PRDM16: variants seen among roughly 807,000 people sequenced by gnomAD.
PRDM16 encodes histone-lysine N-methyltransferase PRDM16.
PRDM16 carries 23 observed loss-of-function variants against 110.6 expected under a neutral mutation model. The ratio of observed to expected loss-of-function variants is 0.21; its 90% CI spans 0.15 to 0.29. The LOEUF is 0.29. Among genes scored for constraint, PRDM16 ranks in the 10% least tolerant of loss-of-function variants. PRDM16 has a pLI of 1.00. For synonymous variants in PRDM16, 799 were observed against 781.8 expected (o/e 1.02, Z -0.37); for missense variants, 1,615 against 1,794.3 (o/e 0.90, Z 1.81).
chr1:3,412,958 C>T (rs540297925), intron 9 of PRDM16, among the ~76,000 whole-genome samples, 158 bp downstream of exon 9: 1 of 152,330 alleles, frequency 6.6e-6, no homozygotes, highest in Admixed American at 6.5e-5. Context: ...GGGGGGTCTG[C>T]ACCCCTCAGG....
intron 1 of PRDM16, among the ~76,000 whole-genome samples, chr1:3,113,309 G>A (rs372297788): frequency 1.0e-3 from 155 of 152,314 alleles, no homozygotes; most frequent in South Asian, 4.8e-3. Flanking sequence ...ACAGGGGCCC[G>A]GAGGAGACAG....
At chr1:3,114,706 AG>A (rs1642916290) in intron 1 of PRDM16, among the ~76,000 whole-genome samples, 1 of 152,244 alleles carries the variant, frequency 6.6e-6, no homozygotes, top group South Asian at 2.1e-4. Context: ...ACACACACAG[AG>A]GGAAGGCACC....
chr1:3,401,629 A>T (rs770692622), intron 5 of PRDM16, among the ~76,000 whole-genome samples: 8 of 151,428 alleles, frequency 5.3e-5, no homozygotes, highest in Non-Finnish European at 1.0e-4. Flanking sequence ...GCGTGTTCAC[A>T]CACATATTCA....
At position 3,412,340 on chromosome 1, in the gene PRDM16, A is replaced by C. The variant is rs753076233; in HGVS notation, c.2143A>C (p.Lys715Gln). Residue 715 changes from lysine to glutamine, a missense_variant, in exon 9 of 17, where the codon AAG becomes CAG. Coordinates refer to ENST00000270722, the MANE Select transcript of PRDM16 (RefSeq NM_022114.4). Reference sequence around the variant, plus strand: ...CGGCTTCATGGGGATGCAGGAGAAGAAGCTGGGCTCGCTCCCCTACCACTC... The same window carrying C: ...CGGCTTCATGGGGATGCAGGAGAAGCAGCTGGGCTCGCTCCCCTACCACTC... ...GPGFMGMQEK[K>Q]LGSLPYHSAF... 3.1e-6 allele frequency: 5 copies of C among 1,613,670 alleles called. No homozygotes were observed. Among genetic ancestry groups the C allele is most frequent in the Non-Finnish European group, 3.4e-6 (4 of 1,180,024 alleles).
chr1:3,435,611 G>A lies in PRDM16; in HGVS notation c.*1800G>A, dbSNP rs79408112. The A allele has an allele frequency of 0.036, 8,396 of 232,598 alleles. 209 individuals are homozygous for A. Among genetic ancestry groups the A allele is most frequent in the African/African-American group, 0.072 (3,257 of 45,348 alleles). The allele number at this position is 232,598 out of a possible 1,614,324, so 14.4% of individuals were successfully genotyped here. A position where few individuals can be genotyped will look rare whatever the true frequency, so the allele number is the denominator to read the frequency against. On this transcript the variant is annotated 3_prime_UTR_variant, in exon 17 of 17. Coordinates refer to ENST00000270722, the MANE Select transcript of PRDM16 (RefSeq NM_022114.4). ...AAGTTGCCCTTTAAAAAAAAAGAGCGTAAATACAAACAGGAGTGGTGCAAG... is the reference window on the plus strand; with the variant it reads ...AAGTTGCCCTTTAAAAAAAAAGAGCATAAATACAAACAGGAGTGGTGCAAG...
At chr1:3,233,505 A>G (rs1461560654) in intron 2 of PRDM16, among the ~76,000 whole-genome samples, 2 of 152,172 alleles carry the variant, frequency 1.3e-5, no homozygotes, top group African/African-American at 4.8e-5. Context: ...AGCATGGAAC[A>G]TCCCCTGCTC....
rs138140212 is a variant in PRDM16, at chr1:3,096,752, C to T, written c.37+27456C>T. The stretch of plus-strand genomic sequence containing the variant: ...GGATGGTGAGTGGGCCCTCTCCCTA[C>T]GAGAGCCGAGCAGGGTGGGTGTGCT... On this transcript the variant is annotated intron_variant, in intron 1 of 16. Coordinates refer to ENST00000270722, the MANE Select transcript of PRDM16 (RefSeq NM_022114.4). 5.0e-3 allele frequency among the ~76,000 whole-genome samples: 760 copies of T among 152,262 alleles called. 12 individuals carry two copies. The highest frequency in any genetic ancestry group is 0.017 in the African/African-American group (686 of 41,564).
At chr1:3,404,268 C>T (rs1643522615) in intron 6 of PRDM16, among the ~76,000 whole-genome samples, 1 of 152,222 alleles carries the variant, frequency 6.6e-6, no homozygotes, top group South Asian at 2.1e-4. Context: ...TCCGTGTCAC[C>T]TGGAGACCCC....
At position 3,113,457 on chromosome 1, in the gene PRDM16, G is replaced by T. The variant is rs1002381128; in HGVS notation, c.37+44161G>T. ...CTGCACTTACTAGGTGCTTAGCAAAGGTGCCTAGAGAGGAAGGCTCGGAGG... is the reference window on the plus strand; with the variant it reads ...CTGCACTTACTAGGTGCTTAGCAAATGTGCCTAGAGAGGAAGGCTCGGAGG... On this transcript the variant is annotated intron_variant, in intron 1 of 16. Transcript: ENST00000270722. 5.9e-5 allele frequency among the ~76,000 whole-genome samples: 9 copies of T among 151,790 alleles called. No homozygotes were observed. The East Asian group carries it at 1.7e-3, about 29-fold the overall frequency.
rs980433072 is a variant in PRDM16, at chr1:3,390,544, T to C, written c.573+5258T>C. 4.6e-5 allele frequency among the ~76,000 whole-genome samples: 7 copies of C among 151,772 alleles called. No individual in the cohort carries two copies. Among genetic ancestry groups the C allele is most frequent in the Admixed American group, 3.3e-4 (5 of 15,264 alleles). On this transcript the variant is annotated intron_variant, in intron 4 of 16. Coordinates refer to ENST00000270722, the MANE Select transcript of PRDM16 (RefSeq NM_022114.4). The surrounding 1 kb of genome is among the most constrained non-coding windows in gnomAD (Gnocchi z 5.0). ...GGAGCAGCACAGCCCCTCCACAGAG[T>C]GTTCCGCGCAGGCATTGTGTTAGAA...
chr1:3,080,773 G>A lies in PRDM16; in HGVS notation c.37+11477G>A, dbSNP rs1469129432. ...CATGTTGGGCGGTTTCTTCCGGGCC[G>A]GGGAAATCTGAGCAGCCACAGGCGA... On this transcript the variant is annotated intron_variant, in intron 1 of 16. Transcript: ENST00000270722. The surrounding 1 kb of genome is among the most constrained non-coding windows in gnomAD (Gnocchi z 5.2). 4.6e-5 allele frequency among the ~76,000 whole-genome samples: 7 copies of A among 152,278 alleles called. No homozygotes were observed. The East Asian group carries it at 5.8e-4, about 13-fold the overall frequency.
intron 3 of PRDM16, among the ~76,000 whole-genome samples, chr1:3,371,777 C>T (rs1213813670): frequency 6.6e-6 from 1 of 152,248 alleles, no homozygotes; most frequent in African/African-American, 2.4e-5. Context: ...GGTGGACAGC[C>T]AGCACCCACC....
chr1:3,218,309 G>A (rs1330955450), intron 2 of PRDM16, among the ~76,000 whole-genome samples: 1 of 152,234 alleles, frequency 6.6e-6, no homozygotes, highest in Non-Finnish European at 1.5e-5. Flanking sequence ...CCAGCAGAAA[G>A]AATTATTAGG....
Position 3,177,379 on chromosome 1 carries a change from C to T in PRDM16, c.38-8746C>T, listed in dbSNP as rs116153791. 2.0e-3 allele frequency among the ~76,000 whole-genome samples: 300 copies of T among 152,300 alleles called. 4 individuals are homozygous for T. Among genetic ancestry groups the T allele is most frequent in the Non-Finnish European group, 2.2e-3 (152 of 68,028 alleles). ...TGTCATTGTAGGGAGAACACGGGGT[C>T]GTTAGAGTGGCGTTTGAGAAGCTTC... On this transcript the variant is annotated intron_variant, in intron 1 of 16. Coordinates refer to ENST00000270722, the MANE Select transcript of PRDM16 (RefSeq NM_022114.4).
chr1:3,322,265 A>C (rs1370784931), intron 3 of PRDM16, among the ~76,000 whole-genome samples: 1 of 151,968 alleles, frequency 6.6e-6, no homozygotes, highest in Non-Finnish European at 1.5e-5. Flanking sequence ...GTCAAAGCCG[A>C]GTGTATAGCA....
At chr1:3,165,451 G>A (rs1304966574) in intron 1 of PRDM16, among the ~76,000 whole-genome samples, 3 of 109,978 alleles carry the variant, frequency 2.7e-5, no homozygotes, top group African/African-American at 7.8e-5. Flanking sequence ...CTGGGCTCAG[G>A]GACAGTGACT....
intron 1 of PRDM16, among the ~76,000 whole-genome samples, chr1:3,130,791 G>A (rs1017845100): frequency 4.2e-5 from 5 of 118,282 alleles, no homozygotes; most frequent in Non-Finnish European, 6.5e-5. Context: ...GGGCGGTGGG[G>A]GGGCTGTTTT....
intron 2 of PRDM16, among the ~76,000 whole-genome samples, chr1:3,212,815 C>G (rs1569855284): frequency 6.6e-6 from 1 of 152,344 alleles, no homozygotes; most frequent in South Asian, 2.1e-4. Context: ...CCCTCCCTGA[C>G]CCCAGCTCTG....
At chr1:3,184,430 G>A (rs541794661) in intron 1 of PRDM16, among the ~76,000 whole-genome samples, 4 of 152,292 alleles carry the variant, frequency 2.6e-5, no homozygotes, top group South Asian at 2.1e-4. Context: ...GCAGGACCGG[G>A]GTCCAGTCAC....
Sources: allele counts gnomAD v4.1 joint callset (sites outside exome capture counted in the v4.1 genomes callset), GRCh38; gene constraint gnomAD v4.1.1; non-coding constraint Gnocchi (gnomAD v3.1); transcripts MANE v1.5; gene names NCBI Gene and HGNC (gene_info 2026-07-23, HGNC 2026-07-21).